Variants in CCDC66 observed in about 807,000 individuals in gnomAD.
CCDC66 encodes coiled-coil domain containing 66, also known as coiled-coil domain-containing protein 66.
CCDC66 carries 133 observed loss-of-function variants against 128.3 expected under a neutral mutation model. That is an observed-to-expected ratio of 1.04 (90% CI 0.90 to 1.20). The LOEUF (loss-of-function observed/expected upper bound fraction) is 1.20. Ranked by LOEUF, CCDC66 falls within the 50% of genes most tolerant of loss-of-function variation. The pLI is 0.00. For missense variants in CCDC66, 1,126 were observed against 1,075.5 expected (o/e 1.05, Z -0.66); for synonymous variants, 387 against 357.0 (o/e 1.08, Z -0.95).
intron 13 of CCDC66, chr3:56,616,844 T>A (rs2075576062): frequency 3.1e-6 from 1 of 326,672 alleles, no homozygotes; most frequent in Admixed American, 4.6e-5. Context: ...TCTCAGGTGG[T>A]TTTGGTTTGC....
At chr3:56,616,094 A>T in intron 13 of CCDC66, 41 bp downstream of exon 13, 3 of 1,531,494 alleles carry the variant, frequency 2.0e-6, no homozygotes, top group Non-Finnish European at 2.6e-6. Flanking sequence ...AAATTTACTT[A>T]AAGTCATAAT....
At chr3:56,573,656 A>G (rs2066935558) in intron 7 of CCDC66, among the ~76,000 whole-genome samples, 1 of 152,232 alleles carries the variant, frequency 6.6e-6, no homozygotes, top group African/African-American at 2.4e-5. Context: ...CCTTTTGGAC[A>G]GAAGCATCAG....
chr3:56,578,622 G>A (rs1012219187), intron 7 of CCDC66, among the ~76,000 whole-genome samples: 1 of 151,748 alleles, frequency 6.6e-6, no homozygotes, highest in Non-Finnish European at 1.5e-5. Flanking sequence ...GCATGAAGGA[G>A]TGTTGAATTT....
chr3:56,571,048 G>T, intron 6 of CCDC66, 133 bp from the exon 7 acceptor site: 1 of 571,264 alleles, frequency 1.8e-6, no homozygotes, highest in Non-Finnish European at 2.9e-6. Flanking sequence ...TCCACTTTGT[G>T]AGTTAATCTC....
intron 14 of CCDC66, 33 bp downstream of exon 14, chr3:56,617,638 C>A (rs199636178): frequency 6.4e-7 from 1 of 1,557,112 alleles, no homozygotes; most frequent in Non-Finnish European, 8.6e-7. Context: ...GATGTGTTGA[C>A]GTTTCTGGAT....
In CCDC66 at chr3:56,564,102, C is replaced by A; in HGVS notation, c.521C>A (p.Thr174Asn). 1 of 1,597,294 alleles carries A rather than the reference C, an allele frequency of 6.3e-7. No homozygotes were observed. Among genetic ancestry groups the A allele is most frequent in the South Asian group, 1.1e-5 (1 of 88,178 alleles). ...CAAGGAAATAGATCTCTTTCCCTGA[C>A]TGAGAATGGAAAGGAGGCAAAAAGT... ...VNQGNRSLSLTENGKEAKSQY... is the reference protein window; with the variant it reads ...VNQGNRSLSLNENGKEAKSQY... Residue 174 changes from threonine to asparagine, a missense_variant, in exon 4 of 18, where the codon ACT (threonine) becomes AAT (asparagine). Coordinates refer to ENST00000394672, the MANE Select transcript of CCDC66 (RefSeq NM_001141947.3).
In CCDC66 at chr3:56,583,713, A is replaced by G. The variant is rs896726703; in HGVS notation, c.937-9257A>G. On this transcript the variant is annotated intron_variant, in intron 7 of 17. Transcript: ENST00000394672. ...TGTCTACTTCTTTCTACACAGACAC[A>G]GCAACAATCTGATATCTCTATCTTT... 5.9e-5 allele frequency among the ~76,000 whole-genome samples: 9 copies of G among 152,042 alleles called. 1 individual carries two copies. Among genetic ancestry groups the G allele is most frequent in the Admixed American group, 1.3e-4 (2 of 15,182 alleles).
Position 56,617,386 on chromosome 3 carries a change from T to C in CCDC66, c.2118T>C (p.Asn706=), listed in dbSNP as rs1233146707. 1 of 1,613,510 alleles carries C rather than the reference T, an allele frequency of 6.2e-7. No individual in the cohort carries two copies. Among genetic ancestry groups the C allele is most frequent in the East Asian group, 2.2e-5 (1 of 44,862 alleles). The change falls in exon 14 of 18, where the codon AAT becomes AAC. Residue 706 remains asparagine, a synonymous_variant. Transcript: ENST00000394672. ...KYPKRPDWNI[N]KPPKRYIPAS... is the part of the protein sequence containing the mutation. ...CTAAAAGGCCTGATTGGAATATAAA[T>C]AAGCCACCTAAAAGGTATATTCCAG...
chr3:56,598,526 A>G (rs1035885019), intron 10 of CCDC66, among the ~76,000 whole-genome samples: 1 of 151,954 alleles, frequency 6.6e-6, no homozygotes, highest in Admixed American at 6.6e-5. Context: ...GCTTTTCCCC[A>G]TTAAGTATGA....
Position 56,566,702 on chromosome 3 carries a change from A to C in CCDC66, c.653A>C (p.Lys218Thr), listed in dbSNP as rs764946511. 5.6e-6 allele frequency: 9 copies of C among 1,613,818 alleles called. No homozygotes were observed. The African/African-American group carries it at 1.2e-4, about 22-fold the overall frequency. ...GTTTCATCTGTCCCAGCTGAAAATA[A>C]ATCTGTCTTAAATGAACATCAGGAG... ...EMVSSVPAEN[K>T]SVLNEHQETS... The change falls in exon 5 of 18, where the codon AAA becomes ACA. Residue 218 changes from lysine to threonine, a missense_variant. Physicochemically the swap from Lys to Thr is moderately conservative, Grantham distance 78. Transcript: ENST00000394672.
intron 14 of CCDC66, 70 bp from the exon 15 acceptor site, chr3:56,618,102 C>T: frequency 8.3e-7 from 1 of 1,199,344 alleles, no homozygotes; most frequent in Non-Finnish European, 1.2e-6. Flanking sequence ...ACAAGTAGCC[C>T]TAAAAATATT....
chr3:56,592,214 C>G (rs1392237073), intron 7 of CCDC66, among the ~76,000 whole-genome samples: 1 of 152,188 alleles, frequency 6.6e-6, no homozygotes, highest in Non-Finnish European at 1.5e-5. Flanking sequence ...TAGGGAAAGT[C>G]TCTTGCTCTC....
chr3:56,586,254 C>T (rs1394622297), intron 7 of CCDC66, among the ~76,000 whole-genome samples: 2 of 151,848 alleles, frequency 1.3e-5, no homozygotes, highest in East Asian at 3.9e-4. Flanking sequence ...ACCGGCCAGG[C>T]GTGGTGGCTC....
rs1469911702 is a variant in CCDC66, at chr3:56,563,943, C to A, written c.362C>A (p.Thr121Asn). The change falls in exon 4 of 18, where the codon ACT (threonine) becomes AAT (asparagine). Residue 121 changes from threonine to asparagine, a missense_variant. Coordinates refer to ENST00000394672, the MANE Select transcript of CCDC66 (RefSeq NM_001141947.3). ...ISPATPNMQKTRNTVNTSLVG... is the reference protein window; with the variant it reads ...ISPATPNMQKNRNTVNTSLVG... Reference sequence around the variant, plus strand: ...CCTGCAACCCCTAATATGCAGAAGACTAGAAACACCGTAAATACATCTCTA... The same window carrying A: ...CCTGCAACCCCTAATATGCAGAAGAATAGAAACACCGTAAATACATCTCTA... 1.2e-6 allele frequency: 2 copies of A among 1,613,766 alleles called. No individual in the cohort carries two copies. Among genetic ancestry groups the A allele is most frequent in the Non-Finnish European group, 1.7e-6 (2 of 1,179,874 alleles).
Position 56,596,652 on chromosome 3 carries a change from T to G in CCDC66, c.1404+2624T>G, listed in dbSNP as rs1320763357. 2.0e-5 allele frequency among the ~76,000 whole-genome samples: 3 copies of G among 151,984 alleles called. No individual in the cohort carries two copies. In the East Asian group the frequency reaches 5.8e-4, roughly 29 times the overall value. On this transcript the variant is annotated intron_variant, in intron 10 of 17. Coordinates refer to ENST00000394672, the MANE Select transcript of CCDC66 (RefSeq NM_001141947.3). The stretch of plus-strand genomic sequence containing the variant: ...GTTTTTGGTCCCTGTGTTTTTGAGG[T>G]CTCGACCACAAACTCTATACCAGTG...
chr3:56,558,489 G>A (rs1325315034), intron 1 of CCDC66, among the ~76,000 whole-genome samples: 2 of 152,202 alleles, frequency 1.3e-5, no homozygotes, highest in Non-Finnish European at 2.9e-5. Context: ...TGAAACTAAT[G>A]AATGGCGGTT....
intron 10 of CCDC66, among the ~76,000 whole-genome samples, chr3:56,605,454 C>CGA (rs1296536315): frequency 6.6e-6 from 1 of 152,012 alleles, no homozygotes; most frequent in Non-Finnish European, 1.5e-5. Context: ...GATGGGGTCT[C>CGA]TGAGTGGACA....
chr3:56,607,356 G>C (rs1422757350), intron 10 of CCDC66, among the ~76,000 whole-genome samples: 2 of 152,048 alleles, frequency 1.3e-5, no homozygotes, highest in South Asian at 4.2e-4. Flanking sequence ...GAGGTCTTTC[G>C]ACTCCTTTGT....
intron 11 of CCDC66, among the ~76,000 whole-genome samples, chr3:56,614,361 A>G (rs1386913566): frequency 1.3e-5 from 2 of 152,304 alleles, no homozygotes; most frequent in Admixed American, 1.3e-4. Flanking sequence ...AGCAATAATT[A>G]TTATATCAAT....
Sources: allele counts gnomAD v4.1 joint callset (sites outside exome capture counted in the v4.1 genomes callset), GRCh38; gene constraint gnomAD v4.1.1; transcripts MANE v1.5; gene names NCBI Gene and HGNC (gene_info 2026-07-23, HGNC 2026-07-21).